The following ZFHX3 variants were observed in gnomAD, a reference collection of about 807,000 sequenced individuals.
ZFHX3 encodes zinc finger homeobox 3.
Under a neutral mutation model 279.1 loss-of-function variants are expected in ZFHX3, and 42 were observed. The observed-to-expected ratio is 0.15, with a 90% confidence interval of 0.12 to 0.19. ZFHX3 has a LOEUF of 0.19. Among genes scored for constraint, ZFHX3 ranks in the 10% least tolerant of loss-of-function variants. The pLI, the probability that ZFHX3 is intolerant of heterozygous loss-of-function variation, is 1.00. For synonymous variants in ZFHX3, 2,293 were observed against 1,957.8 expected (o/e 1.17, Z -4.52); for missense variants, 4,981 against 4,754.0 (o/e 1.05, Z -1.40).
chr16:73,672,781 C>T (rs1046359324), intron 2 of ZFHX3, among the ~76,000 whole-genome samples: 1 of 152,082 alleles, frequency 6.6e-6, no homozygotes, highest in Non-Finnish European at 1.5e-5. Flanking sequence ...TATAATTTTA[C>T]ACTTTTATGA....
chr16:73,164,013 T>A (rs557112867), intron 5 of ZFHX3, among the ~76,000 whole-genome samples: 9 of 152,132 alleles, frequency 5.9e-5, no homozygotes, highest in Non-Finnish European at 1.3e-4. Context: ...AAAGCCTGGC[T>A]GTAGGTGGAA....
chr16:72,883,341 GA>G, intron 4 of ZFHX3, among the ~76,000 whole-genome samples: 2 of 152,194 alleles, frequency 1.3e-5, no homozygotes, highest in South Asian at 4.1e-4. Context: ...ACATCTCCAT[GA>G]ACAAAAGACA....
intron 8 of ZFHX3, among the ~76,000 whole-genome samples, chr16:73,091,882 A>G (rs1174975685): frequency 6.6e-6 from 1 of 152,190 alleles, no homozygotes. Flanking sequence ...CCCTCACCTT[A>G]GCAAACCAAT....
intron 3 of ZFHX3, among the ~76,000 whole-genome samples, chr16:73,377,096 C>T (rs1472856706): frequency 1.3e-5 from 2 of 151,958 alleles, no homozygotes; most frequent in Non-Finnish European, 2.9e-5. Flanking sequence ...CTCAGCCTCC[C>T]CAGTAGCTGG....
chr16:73,723,710 G>A (rs1317268966), intron 1 of ZFHX3, among the ~76,000 whole-genome samples: 2 of 152,060 alleles, frequency 1.3e-5, no homozygotes, highest in African/African-American at 2.4e-5. Context: ...ATCATTATAG[G>A]CCTAGTTATT....
intron 1 of ZFHX3, among the ~76,000 whole-genome samples, chr16:73,821,489 C>T (rs1960739313): frequency 6.6e-6 from 1 of 152,212 alleles, no homozygotes; most frequent in South Asian, 2.1e-4. Flanking sequence ...ACCACAAACC[C>T]TCTAAGCCTC....
intron 1 of ZFHX3, among the ~76,000 whole-genome samples, chr16:73,688,449 A>T (rs2053114357): frequency 6.6e-6 from 1 of 151,760 alleles, no homozygotes; most frequent in Non-Finnish European, 1.5e-5. Flanking sequence ...GTCATGAGGG[A>T]CACCCCCAGG....
intron 2 of ZFHX3, among the ~76,000 whole-genome samples, chr16:73,589,093 T>A (rs2051960663): frequency 6.6e-6 from 1 of 150,802 alleles, no homozygotes; most frequent in Non-Finnish European, 1.5e-5. Flanking sequence ...ACTCCATCTC[T>A]ACTAAAAATA....
At chr16:73,337,451 C>T (rs1040771194) in intron 3 of ZFHX3, among the ~76,000 whole-genome samples, 5 of 152,112 alleles carry the variant, frequency 3.3e-5, no homozygotes, top group Non-Finnish European at 7.4e-5. Flanking sequence ...CATCACCTCC[C>T]GTTACTGCTT....
At chr16:73,079,264 C>T (rs112187322) in intron 8 of ZFHX3, among the ~76,000 whole-genome samples, 5 of 152,010 alleles carry the variant, frequency 3.3e-5, no homozygotes, top group African/African-American at 9.6e-5. Flanking sequence ...GTGGCTCACA[C>T]GTGTAATCCC....
At chr16:73,455,730 C>CTT (rs33959280) in intron 3 of ZFHX3, among the ~76,000 whole-genome samples, 1 of 147,144 alleles carries the variant, frequency 6.8e-6, no homozygotes, top group African/African-American at 2.5e-5. Flanking sequence ...TAAAATATTG[C>CTT]TTTTTTTTTT....
intron 4 of ZFHX3, among the ~76,000 whole-genome samples, chr16:72,872,301 G>A (rs867161311): frequency 6.6e-6 from 1 of 152,022 alleles, no homozygotes; most frequent in Non-Finnish European, 1.5e-5. Flanking sequence ...GCTCCTATCA[G>A]CACTTGCAGT....
intron 2 of ZFHX3, among the ~76,000 whole-genome samples, chr16:73,523,813 T>G (rs1038366913): frequency 6.6e-5 from 10 of 152,096 alleles, no homozygotes; most frequent in East Asian, 3.9e-4. Context: ...AATATTTAGA[T>G]GTGGCAATTC....
chr16:73,851,451 A>G (rs1961591953), intron 1 of ZFHX3, among the ~76,000 whole-genome samples: 1 of 152,232 alleles, frequency 6.6e-6, no homozygotes, highest in Admixed American at 6.5e-5. Context: ...CTCTGAAAAT[A>G]GTAGCTGAGG....
At chr16:72,886,259 G>T (rs2038618681) in intron 4 of ZFHX3, among the ~76,000 whole-genome samples, 1 of 152,148 alleles carries the variant, frequency 6.6e-6, no homozygotes, top group African/African-American at 2.4e-5. Context: ...GTGTGGGAGG[G>T]GAGGAGTATG....
chr16:73,844,593 A>T (rs1961396250), intron 1 of ZFHX3, among the ~76,000 whole-genome samples: 1 of 152,072 alleles, frequency 6.6e-6, no homozygotes, highest in Admixed American at 6.6e-5. Context: ...GATGATAAAT[A>T]ACATGCTCGA....
chr16:73,397,318 T>A (rs1448097774), intron 3 of ZFHX3, among the ~76,000 whole-genome samples: 1 of 152,128 alleles, frequency 6.6e-6, no homozygotes, highest in Admixed American at 6.5e-5. Context: ...TTAACTTGTG[T>A]CTGAGGAATA....
At chr16:73,289,483 G>A (rs1342825729) in intron 4 of ZFHX3, among the ~76,000 whole-genome samples, 1 of 152,082 alleles carries the variant, frequency 6.6e-6, no homozygotes. Flanking sequence ...GCCATGTGAA[G>A]AGCCCCAGAT....
At chr16:73,763,651 G>A (rs987897326) in intron 1 of ZFHX3, among the ~76,000 whole-genome samples, 1 of 152,150 alleles carries the variant, frequency 6.6e-6, no homozygotes, top group African/African-American at 2.4e-5. Flanking sequence ...TTGAATGGGT[G>A]TGGAACCTGT....
Sources: gnomAD v4.1 joint callset for allele counts (sites outside exome capture counted in the v4.1 genomes callset) on GRCh38, gnomAD v4.1.1 for gene constraint, MANE v1.5 for transcripts, NCBI Gene and HGNC (gene_info 2026-07-23, HGNC 2026-07-21) for gene names.